The following WDFY4 variants were observed in gnomAD, a reference collection of about 807,000 sequenced individuals.
WDFY4 encodes the protein WDFY family member 4.
Under a neutral mutation model 351.9 loss-of-function variants are expected in WDFY4, and 169 were observed. The ratio of observed to expected loss-of-function variants is 0.48; its 90% CI spans 0.42 to 0.55. The LOEUF is 0.55. Ranked by LOEUF, WDFY4 falls within the 20% of genes least tolerant of loss-of-function variation. WDFY4 has a pLI of 0.00. For missense variants in WDFY4, 3,803 were observed against 3,935.6 expected (o/e 0.97, Z 0.90); for synonymous variants, 1,622 against 1,574.6 (o/e 1.03, Z -0.71).
intron 33 of WDFY4, 130 bp from the exon 34 acceptor site, chr10:48,820,932 G>A: frequency 7.5e-6 from 5 of 667,772 alleles, no homozygotes; most frequent in South Asian, 1.8e-5. Context: ...CCAGAGAAGG[G>A]AAAATTGTGA....
At chr10:48,824,913 T>C (rs2067943965) in intron 35 of WDFY4, among the ~76,000 whole-genome samples, 1 of 152,236 alleles carries the variant, frequency 6.6e-6, no homozygotes, top group African/African-American at 2.4e-5. Flanking sequence ...CCTAAAGTGC[T>C]AGCAGTACAG....
intron 47 of WDFY4, among the ~76,000 whole-genome samples, chr10:48,934,881 CCAATGACTTG>C (rs1450298344): frequency 3.3e-5 from 5 of 152,162 alleles, no homozygotes; most frequent in Non-Finnish European, 7.3e-5. Context: ...CCCCAAAGCA[CCAATGACTTG>C]CACACCTGCC....
chr10:48,719,937 G>A (rs1309845684), intron 2 of WDFY4, 74 bp from the exon 3 acceptor site: 42 of 1,359,446 alleles, frequency 3.1e-5, no homozygotes, highest in Non-Finnish European at 4.0e-5. Context: ...CTGGTGAAGG[G>A]TGGCATGGCA....
In WDFY4 at chr10:48,867,305, A is replaced by G. The variant is rs2133252908; in HGVS notation, c.6704A>G (p.Gln2235Arg). Reference sequence around the variant, plus strand: ...ATAGAGAACTACAGAAGAAGAGGACAAGAGCTATATGCATCTTTATACAAA... The same window carrying G: ...ATAGAGAACTACAGAAGAAGAGGACGAGAGCTATATGCATCTTTATACAAA... ...SCIENYRRRG[Q>R]ELYASLYKDH... Residue 2235 changes from glutamine to arginine, a missense_variant, in exon 40 of 62, where the codon CAA becomes CGA. Transcript: ENST00000325239. The G allele has an allele frequency of 2.7e-6, 4 of 1,502,814 alleles. No individual in the cohort carries two copies. The highest frequency in any genetic ancestry group is 2.6e-5 in the East Asian group (1 of 38,848). 93.1% of individuals were successfully genotyped at this position (1,502,814 alleles called of 1,614,324 possible).
chr10:48,982,851 A>G lies in WDFY4; in HGVS notation c.*276A>G, dbSNP rs1842863447. 1 of 510,744 alleles carries G rather than the reference A, an allele frequency of 2.0e-6. No homozygotes were observed. Among genetic ancestry groups the G allele is most frequent in the Non-Finnish European group, 3.9e-6 (1 of 257,978 alleles). 31.6% of individuals were successfully genotyped at this position (510,744 alleles called of 1,614,324 possible). ...CCAGCTGCACACGAAATTACACATG[A>G]CTCACCTTATTAAGGGCTATTGCAC... On this transcript the variant is annotated 3_prime_UTR_variant, in exon 62 of 62. Transcript: ENST00000325239.
intron 54 of WDFY4, among the ~76,000 whole-genome samples, chr10:48,964,737 G>T (rs1390467890): frequency 6.6e-6 from 1 of 152,222 alleles, no homozygotes; most frequent in African/African-American, 2.4e-5. Context: ...ATATGAGGTT[G>T]TGCATTCCCC....
At chr10:48,735,588 T>C (rs947180304) in intron 10 of WDFY4, among the ~76,000 whole-genome samples, 2 of 152,200 alleles carry the variant, frequency 1.3e-5, no homozygotes, top group South Asian at 2.1e-4. Context: ...TTCTCCTTTC[T>C]TGAATGTATC....
At chr10:48,957,010 G>A (rs1841622484) in intron 51 of WDFY4, 119 bp from the exon 52 acceptor site, 10 of 1,316,338 alleles carry the variant, frequency 7.6e-6, no homozygotes, top group Non-Finnish European at 1.0e-5. Flanking sequence ...CGTGTGTGAG[G>A]AGAGTAAATG....
At chr10:48,730,353 G>T (rs1468017567) in intron 8 of WDFY4, among the ~76,000 whole-genome samples, 1 of 152,202 alleles carries the variant, frequency 6.6e-6, no homozygotes, top group East Asian at 1.9e-4. Flanking sequence ...CATTGGATGG[G>T]ATGCAGTAAC....
chr10:48,906,958 G>A (rs1837646460), intron 47 of WDFY4, among the ~76,000 whole-genome samples: 1 of 151,570 alleles, frequency 6.6e-6, no homozygotes, highest in South Asian at 2.1e-4. Context: ...TTTATTTCTG[G>A]AACATACTTT....
In WDFY4 at chr10:48,931,496, G is replaced by A. The variant is rs540780997; in HGVS notation, c.7587-10310G>A. Among the ~76,000 whole-genome samples the A allele has an allele frequency of 2.0e-5, 3 of 152,318 alleles. No homozygotes were observed. The South Asian group carries it at 6.2e-4, about 32-fold the overall frequency. ...AAACAACACGTGGCCTGTTGTGAGAGGGTGGCCCGTATTATGGTGCAATAT... is the reference window on the plus strand; with the variant it reads ...AAACAACACGTGGCCTGTTGTGAGAAGGTGGCCCGTATTATGGTGCAATAT... On this transcript the variant is annotated intron_variant, in intron 47 of 61. Coordinates refer to ENST00000325239, the MANE Select transcript of WDFY4 (RefSeq NM_001394531.1).
Position 48,729,424 on chromosome 10 carries a change from TC to T in WDFY4, c.972-3del. On this transcript the variant is annotated splice_region_variant and splice_polypyrimidine_tract_variant and intron_variant, in intron 7 of 61. Coordinates refer to ENST00000325239, the MANE Select transcript of WDFY4 (RefSeq NM_001394531.1). ...AGTACAGGGAGCTGGCCTCATCTGT[TC>T]CCCCAGGTATGATGGGCTGACCCAG... 5.8e-6 allele frequency: 9 copies of T among 1,550,390 alleles called. No homozygotes were observed. Among genetic ancestry groups the T allele is most frequent in the Non-Finnish European group, 7.8e-6 (9 of 1,146,950 alleles).
chr10:48,930,047 A>G (rs1839896026), intron 47 of WDFY4, among the ~76,000 whole-genome samples: 1 of 151,846 alleles, frequency 6.6e-6, no homozygotes, highest in African/African-American at 2.4e-5. Flanking sequence ...CCCAAGACAC[A>G]TGGCCTGTCT....
intron 19 of WDFY4, among the ~76,000 whole-genome samples, chr10:48,784,818 G>GCATGAGC (rs2066346749): frequency 7.8e-6 from 1 of 127,574 alleles, no homozygotes; most frequent in Non-Finnish European, 1.7e-5. Flanking sequence ...GGGATTACAG[G>GCATGAGC]CATGAGCCAC....
chr10:48,750,647 C>T (rs1346331282), intron 12 of WDFY4, among the ~76,000 whole-genome samples: 2 of 152,242 alleles, frequency 1.3e-5, no homozygotes, highest in Non-Finnish European at 2.9e-5. Context: ...TGTAATCTTC[C>T]TTGGTTTCTT....
intron 27 of WDFY4, among the ~76,000 whole-genome samples, chr10:48,807,165 G>A (rs75905363): frequency 0.043 from 6,582 of 152,240 alleles, 218 homozygotes; most frequent in South Asian, 0.12. Context: ...ACAGTATGGC[G>A]TGGTGTATGC....
intron 2 of WDFY4, 66 bp downstream of exon 2, chr10:48,710,032 A>C: frequency 2.9e-6 from 4 of 1,393,876 alleles, no homozygotes; most frequent in Non-Finnish European, 3.8e-6. Context: ...GGATGATTGC[A>C]TAGTGAAGTT....
intron 12 of WDFY4, among the ~76,000 whole-genome samples, chr10:48,744,381 T>G (rs950958032): frequency 7.9e-5 from 12 of 152,216 alleles, no homozygotes; most frequent in African/African-American, 2.9e-4. Context: ...GCATGTTAAA[T>G]CTCCACACAT....
At chr10:48,804,343 A>G (rs1181258524) in intron 25 of WDFY4, among the ~76,000 whole-genome samples, 3 of 152,214 alleles carry the variant, frequency 2.0e-5, no homozygotes, top group Non-Finnish European at 4.4e-5. Flanking sequence ...AAATTCAGAG[A>G]AGAATAAGCC....
Sources: gnomAD v4.1 joint callset for allele counts (sites outside exome capture counted in the v4.1 genomes callset) on GRCh38, gnomAD v4.1.1 for gene constraint, MANE v1.5 for transcripts, NCBI Gene and HGNC (gene_info 2026-07-23, HGNC 2026-07-21) for gene names.